Variants in UNC13C observed in about 807,000 individuals in gnomAD.
The protein encoded by UNC13C is unc-13 homolog C.
UNC13C carries 174 observed loss-of-function variants against 245.4 expected under a neutral mutation model. That is an observed-to-expected ratio of 0.71 (90% CI 0.63 to 0.80). The LOEUF (loss-of-function observed/expected upper bound fraction) is 0.80. Ranked by LOEUF, UNC13C falls within the 30% of genes least tolerant of loss-of-function variation. The pLI, the probability that UNC13C is intolerant of heterozygous loss-of-function variation, is 0.00. For missense variants in UNC13C, 2,829 were observed against 2,602.9 expected, an observed-to-expected ratio of 1.09 and a Z score of -1.89; for synonymous variants, 992 against 895.1, an observed-to-expected ratio of 1.11 and a Z score of -1.93.
At chr15:54,470,307 T>C (rs1397545388) in intron 19 of UNC13C, among the ~76,000 whole-genome samples, 1 of 123,144 alleles carries the variant, frequency 8.1e-6, no homozygotes, top group Non-Finnish European at 1.8e-5. Context: ...TGGAAGGGTT[T>C]GAGTAGAATA....
intron 30 of UNC13C, among the ~76,000 whole-genome samples, chr15:54,576,409 C>T (rs1897957679): frequency 6.6e-6 from 1 of 152,184 alleles, no homozygotes; most frequent in Non-Finnish European, 1.5e-5. Flanking sequence ...CTGAATCTCT[C>T]TTCTGTTCAG....
At position 54,327,931 on chromosome 15, in the gene UNC13C, A is replaced by T. The variant is rs577850964; in HGVS notation, c.4426-4112A>T. ...TGAAACTGGCAAGAGGCTTTAAAAA[A>T]TATTTCCATGTGAAGGGGCAGAAAA... On this transcript the variant is annotated intron_variant, in intron 14 of 32. Coordinates refer to ENST00000260323, the MANE Select transcript of UNC13C (RefSeq NM_001080534.3). Among the ~76,000 whole-genome samples the T allele has an allele frequency of 2.6e-5, 4 of 152,238 alleles. No homozygotes were observed. The East Asian group carries it at 7.8e-4, about 30-fold the overall frequency.
intron 2 of UNC13C, among the ~76,000 whole-genome samples, chr15:54,126,581 C>G (rs1470100341): frequency 1.3e-5 from 2 of 151,996 alleles, no homozygotes; most frequent in Non-Finnish European, 2.9e-5. Context: ...AAGACTTAAA[C>G]CTAAGACCTA....
chr15:54,322,239 C>T, intron 14 of UNC13C, 144 bp downstream of exon 14: 7 of 660,132 alleles, frequency 1.1e-5, no homozygotes, highest in Non-Finnish European at 1.6e-5. Context: ...GCTCAAAGTT[C>T]ATTTGAAACA....
intron 2 of UNC13C, among the ~76,000 whole-genome samples, chr15:54,128,217 A>G (rs2031185974): frequency 6.6e-6 from 1 of 152,208 alleles, no homozygotes; most frequent in Non-Finnish European, 1.5e-5. Context: ...AAGGAGGTGA[A>G]AGATTTCTAC....
At chr15:54,306,921 A>G (rs1285043771) in intron 13 of UNC13C, among the ~76,000 whole-genome samples, 3 of 151,958 alleles carry the variant, frequency 2.0e-5, no homozygotes, top group South Asian at 2.1e-4. Context: ...CCAGGAGTCT[A>G]TCTGTAAAAA....
chr15:54,593,685 T>A (rs977700577), intron 30 of UNC13C, among the ~76,000 whole-genome samples: 1 of 152,190 alleles, frequency 6.6e-6, no homozygotes, highest in Admixed American at 6.5e-5. Flanking sequence ...GAATTTCTTA[T>A]TGTTTTTTCT....
At chr15:54,386,239 A>G (rs925198795) in intron 17 of UNC13C, among the ~76,000 whole-genome samples, 1 of 152,204 alleles carries the variant, frequency 6.6e-6, no homozygotes, top group Non-Finnish European at 1.5e-5. Flanking sequence ...TATCTCTAAA[A>G]TGATGATAAT....
chr15:54,259,070 G>A (rs1250004369), intron 8 of UNC13C, among the ~76,000 whole-genome samples: 1 of 152,236 alleles, frequency 6.6e-6, no homozygotes, highest in African/African-American at 2.4e-5. Context: ...ATAGTAGAAG[G>A]GGCAAGTGAG....
intron 17 of UNC13C, among the ~76,000 whole-genome samples, chr15:54,348,642 A>G (rs1391510312): frequency 2.0e-5 from 3 of 152,220 alleles, no homozygotes; most frequent in East Asian, 3.8e-4. Flanking sequence ...AATGTGGAAA[A>G]TTTCAGAACG....
chr15:54,494,088 C>A (rs1893843310), intron 19 of UNC13C, among the ~76,000 whole-genome samples: 1 of 152,072 alleles, frequency 6.6e-6, no homozygotes, highest in Admixed American at 6.5e-5. Context: ...ATGTGATCTA[C>A]TCACTTCATA....
At chr15:54,574,903 T>G (rs959686237) in intron 30 of UNC13C, among the ~76,000 whole-genome samples, 2 of 152,242 alleles carry the variant, frequency 1.3e-5, no homozygotes, top group African/African-American at 2.4e-5. Flanking sequence ...AGATAGTTAC[T>G]GATTCCCATC....
intron 4 of UNC13C, among the ~76,000 whole-genome samples, chr15:54,181,310 G>A (rs1182886469): frequency 1.3e-5 from 2 of 152,042 alleles, no homozygotes; most frequent in African/African-American, 4.8e-5. Flanking sequence ...GATGGCTGAA[G>A]ATGTGCTGCT....
intron 30 of UNC13C, among the ~76,000 whole-genome samples, chr15:54,613,730 C>G (rs1900253325): frequency 6.6e-6 from 1 of 151,768 alleles, no homozygotes; most frequent in African/African-American, 2.4e-5. Flanking sequence ...AGGCTTATAA[C>G]CTCGGTTTAT....
At chr15:54,499,608 G>GA (rs1042233353) in intron 20 of UNC13C, among the ~76,000 whole-genome samples, 2 of 151,956 alleles carry the variant, frequency 1.3e-5, no homozygotes, top group African/African-American at 4.8e-5. Context: ...TCAGAATGGA[G>GA]AAAAAAATAT....
intron 2 of UNC13C, among the ~76,000 whole-genome samples, chr15:54,068,259 C>G (rs184539779): frequency 4.0e-4 from 61 of 152,238 alleles, no homozygotes; most frequent in Non-Finnish European, 7.2e-4. Context: ...GAAAAATCAT[C>G]TAATTTGTTC....
intron 19 of UNC13C, among the ~76,000 whole-genome samples, chr15:54,436,908 AT>A (rs771703527): frequency 3.9e-5 from 6 of 152,100 alleles, no homozygotes; most frequent in East Asian, 1.9e-4. Context: ...TATCGTATTA[AT>A]TTTTTAATGA....
intron 19 of UNC13C, among the ~76,000 whole-genome samples, chr15:54,481,453 G>C (rs1893110580): frequency 6.6e-6 from 1 of 152,156 alleles, no homozygotes; most frequent in South Asian, 2.1e-4. Flanking sequence ...TGGGGGACAG[G>C]GTGAGCTGAT....
chr15:54,549,524 C>A, intron 27 of UNC13C, 111 bp from the exon 28 acceptor site: 1 of 801,908 alleles, frequency 1.2e-6, no homozygotes, highest in South Asian at 1.9e-5. Context: ...CTGGCATAAG[C>A]CATAAGTCTT....
Sources: allele counts gnomAD v4.1 joint callset (sites outside exome capture counted in the v4.1 genomes callset), GRCh38; gene constraint gnomAD v4.1.1; transcripts MANE v1.5; gene names NCBI Gene and HGNC (gene_info 2026-07-23, HGNC 2026-07-21).